Variants in PCMTD1 observed in about 807,000 individuals in gnomAD.
PCMTD1 encodes protein-L-isoaspartate (D-aspartate) O-methyltransferase domain containing 1, also known as protein-L-isoaspartate O-methyltransferase domain-containing protein 1.
PCMTD1 carries 12 observed loss-of-function variants against 37.6 expected under a neutral mutation model. The ratio of observed to expected loss-of-function variants is 0.32; its 90% confidence interval spans 0.20 to 0.52. The LOEUF is 0.52. Among genes scored for constraint, PCMTD1 ranks in the 20% least tolerant of loss-of-function variants. The pLI is 0.97. For synonymous variants in PCMTD1, 117 were observed against 135.8 expected (o/e 0.86, Z 0.96); for missense variants, 235 against 421.3 (o/e 0.56, Z 3.87).
chr8:51,832,720 A>G (rs2038014486), intron 4 of PCMTD1, among the ~76,000 whole-genome samples: 1 of 152,262 alleles, frequency 6.6e-6, no homozygotes, highest in African/African-American at 2.4e-5. Context: ...CTAAAAAAAT[A>G]AATTTAATAA....
At chr8:51,879,739 A>G (rs546396979) in intron 1 of PCMTD1, among the ~76,000 whole-genome samples, 7 of 152,262 alleles carry the variant, frequency 4.6e-5, no homozygotes, top group Non-Finnish European at 7.3e-5. Context: ...CGTAAAAATG[A>G]TAAAAATGAT....
chr8:51,884,800 T>A (rs922357485), intron 1 of PCMTD1, among the ~76,000 whole-genome samples: 1 of 152,176 alleles, frequency 6.6e-6, no homozygotes, highest in African/African-American at 2.4e-5. Flanking sequence ...GAGGATAGAT[T>A]TCTGGCAAAT....
intron 2 of PCMTD1, among the ~76,000 whole-genome samples, chr8:51,851,518 T>C (rs1316751056): frequency 6.6e-6 from 1 of 152,206 alleles, no homozygotes; most frequent in Non-Finnish European, 1.5e-5. Flanking sequence ...CCTATGACTA[T>C]ACCTCAATGT....
At position 51,879,618 on chromosome 8, in the gene PCMTD1, C is replaced by T. The variant is rs561761589; in HGVS notation, c.-95-18372G>A. On this transcript the variant is annotated intron_variant, in intron 1 of 5. Coordinates refer to ENST00000522514, the MANE Select transcript of PCMTD1 (RefSeq NM_052937.4). ...TCAATTAAAGCTCAGTCACAAAACA[C>T]CTGCCTCTGAGCAACCAAAGCAAAA... is the stretch of plus-strand genomic sequence containing the variant. 6.6e-5 allele frequency among the ~76,000 whole-genome samples: 10 copies of T among 152,296 alleles called. No homozygotes were observed. In the East Asian group the frequency reaches 1.3e-3, roughly 21 times the overall value.
intron 1 of PCMTD1, among the ~76,000 whole-genome samples, chr8:51,888,457 C>A (rs560560892): frequency 1.3e-5 from 2 of 152,170 alleles, no homozygotes; most frequent in African/African-American, 4.8e-5. Context: ...ACCTGATTTT[C>A]GTAATGCTCC....
In PCMTD1 at chr8:51,872,019, G is replaced by A. The variant is rs2038646327; in HGVS notation, c.-95-10773C>T. Among the ~76,000 whole-genome samples, 5 of 152,170 alleles carry A rather than the reference G, an allele frequency of 3.3e-5. No homozygotes were observed. The South Asian group carries it at 1.0e-3, about 32-fold the overall frequency. ...TCCTTTTAATTTTCATATTCCACTTGGCTTGGAAACAGTGTGAACTCCAAG... is the reference window on the plus strand; with the variant it reads ...TCCTTTTAATTTTCATATTCCACTTAGCTTGGAAACAGTGTGAACTCCAAG... On this transcript the variant is annotated intron_variant, in intron 1 of 5. Coordinates refer to ENST00000522514, the MANE Select transcript of PCMTD1 (RefSeq NM_052937.4).
intron 3 of PCMTD1, chr8:51,844,680 A>G (rs1373103254): frequency 6.6e-6 from 1 of 152,272 alleles, no homozygotes; most frequent in East Asian, 1.9e-4. Context: ...GAAAATAAAC[A>G]TTCCTCTGAA....
At chr8:51,873,910 TTTTC>T (rs947842414) in intron 1 of PCMTD1, among the ~76,000 whole-genome samples, 7 of 151,474 alleles carry the variant, frequency 4.6e-5, no homozygotes, top group African/African-American at 1.5e-4. Context: ...TTTTTTTTCT[TTTTC>T]TTTTTCTTTT....
intron 3 of PCMTD1, among the ~76,000 whole-genome samples, chr8:51,843,427 T>C (rs1407771877): frequency 1.3e-5 from 2 of 152,132 alleles, no homozygotes; most frequent in African/African-American, 4.8e-5. Context: ...TAGAAACAAC[T>C]ACATATAATA....
Position 51,829,926 on chromosome 8 carries a change from C to A in PCMTD1, c.706+1518G>T, listed in dbSNP as rs555049698. Among the ~76,000 whole-genome samples, 81 of 152,156 alleles carry A rather than the reference C, an allele frequency of 5.3e-4. No homozygotes were observed. In the South Asian group the frequency reaches 6.2e-3, roughly 12 times the overall value. ...CTATGCAATAAGTTCATTTAAAAGGCAAACTAAGTCAAGAGGTTCCTTTTT... is the reference window on the plus strand; with the variant it reads ...CTATGCAATAAGTTCATTTAAAAGGAAAACTAAGTCAAGAGGTTCCTTTTT... On this transcript the variant is annotated intron_variant, in intron 5 of 5. Coordinates refer to ENST00000522514, the MANE Select transcript of PCMTD1 (RefSeq NM_052937.4).
In PCMTD1 at chr8:51,827,325, C is replaced by T. The variant is rs149456447; in HGVS notation, c.706+4119G>A. Reference sequence around the variant, plus strand: ...TAGTCTCCCTTTATGCACAGTTTCACTTTCCACGGTTTCCGCTTTCTATGG... The same window carrying T: ...TAGTCTCCCTTTATGCACAGTTTCATTTTCCACGGTTTCCGCTTTCTATGG... On this transcript the variant is annotated intron_variant, in intron 5 of 5. Coordinates refer to ENST00000522514, the MANE Select transcript of PCMTD1 (RefSeq NM_052937.4). The T allele has an allele frequency of 9.5e-4, 1,140 of 1,203,658 alleles. 1 individual carries two copies. Among genetic ancestry groups the T allele is most frequent in the Non-Finnish European group, 1.2e-3 (1,104 of 911,538 alleles). 74.6% of individuals were successfully genotyped at this position (1,203,658 alleles called of 1,614,324 possible). A position where few individuals can be genotyped will look rare whatever the true frequency, so the allele number is the denominator to read the frequency against.
chr8:51,871,584 G>C (rs2038639622), intron 1 of PCMTD1, among the ~76,000 whole-genome samples: 2 of 152,124 alleles, frequency 1.3e-5, no homozygotes, highest in East Asian at 1.9e-4. Context: ...AAATTGTCTT[G>C]TAAAGTTTTC....
At chr8:51,898,900 AC>A in intron 1 of PCMTD1, 29 bp downstream of exon 1, 1 of 1,311,570 alleles carries the variant, frequency 7.6e-7, no homozygotes, top group Non-Finnish European at 9.7e-7. Context: ...ACACCCCACG[AC>A]CCCGAGCCCC....
chr8:51,846,982 A>AC (rs1001893762), intron 2 of PCMTD1, among the ~76,000 whole-genome samples: 1 of 152,262 alleles, frequency 6.6e-6, no homozygotes, highest in Non-Finnish European at 1.5e-5. Flanking sequence ...TCATCAAACC[A>AC]CAACAGAATT....
chr8:51,824,280 T>C (rs967641346), intron 5 of PCMTD1, among the ~76,000 whole-genome samples: 2 of 152,214 alleles, frequency 1.3e-5, no homozygotes, highest in African/African-American at 2.4e-5. Context: ...GATGACATGA[T>C]TGTATATTTA....
intron 5 of PCMTD1, among the ~76,000 whole-genome samples, chr8:51,820,984 T>G (rs41453644): frequency 6.6e-6 from 1 of 152,068 alleles, no homozygotes; most frequent in African/African-American, 2.4e-5. Context: ...TCTGGAAGCA[T>G]AAGAATTTGG....
intron 2 of PCMTD1, among the ~76,000 whole-genome samples, chr8:51,859,270 T>G: frequency 6.6e-6 from 1 of 151,750 alleles, no homozygotes; most frequent in Non-Finnish European, 1.5e-5. Flanking sequence ...CAACTCTCCC[T>G]ACTCTCACCT....
At chr8:51,864,254 A>G (rs1263662935) in intron 1 of PCMTD1, among the ~76,000 whole-genome samples, 1 of 152,210 alleles carries the variant, frequency 6.6e-6, no homozygotes, top group Non-Finnish European at 1.5e-5. Context: ...GCACCTAAAT[A>G]TATAAAGCAA....
Position 51,831,436 on chromosome 8 carries a change from CTACT to C in PCMTD1, c.706+4_706+7del. The stretch of plus-strand genomic sequence containing the variant: ...TAATTCAATCAGAAAATATGAAGAG[CTACT>C]TACGGAGTCCCACAGAATCTGGTTT... On this transcript the variant is annotated splice_donor_5th_base_variant and intron_variant, in intron 5 of 5. Transcript: ENST00000522514. The C allele has an allele frequency of 6.2e-7, 1 of 1,611,168 alleles. No homozygotes were observed. The highest frequency in any genetic ancestry group is 8.5e-7 in the Non-Finnish European group (1 of 1,178,896).
Sources: gnomAD v4.1 joint callset for allele counts (sites outside exome capture counted in the v4.1 genomes callset) on GRCh38, gnomAD v4.1.1 for gene constraint, MANE v1.5 for transcripts, NCBI Gene and HGNC (gene_info 2026-07-23, HGNC 2026-07-21) for gene names.